LAMB4: variants seen among roughly 807,000 people sequenced by gnomAD.
LAMB4 encodes the protein laminin subunit beta-4.
LAMB4 carries 196 observed loss-of-function variants against 199.2 expected under a neutral mutation model. The observed-to-expected ratio is 0.98, with a 90% CI of 0.88 to 1.11. The LOEUF (loss-of-function observed/expected upper bound fraction) is 1.11, where lower values mean the gene tolerates loss of function less well. LAMB4 is among the 50% of genes least tolerant of loss of function. The pLI, the probability that LAMB4 is intolerant of heterozygous loss-of-function variation, is 0.00. For missense variants in LAMB4, 2,080 were observed against 2,171.2 expected, an observed-to-expected ratio of 0.96 and a Z score of 0.83; for synonymous variants, 744 against 770.6, an observed-to-expected ratio of 0.97 and a Z score of 0.57.
rs1371271599 is a variant in LAMB4 at position 108,027,010 on chromosome 7, G to T, written c.5146+2033C>A. 35 of 444,550 alleles carry T rather than the reference G, an allele frequency of 7.9e-5. No homozygotes were observed. In the Admixed American group the frequency reaches 9.5e-4, roughly 12 times the overall value. 27.5% of individuals were successfully genotyped at this position (444,550 alleles called of 1,614,324 possible). A position where few individuals can be genotyped will look rare whatever the true frequency, so the allele number is the denominator to read the frequency against. On this transcript the variant is annotated intron_variant, in intron 33 of 33. Coordinates refer to ENST00000388781, the MANE Select transcript of LAMB4 (RefSeq NM_007356.3). ...AACTTCTCTTCCAATCTAATTTCAA[G>T]AACTATAAAAGCTGTGGTCAATGGG...
chr7:108,038,007 G>T (rs1375757403), intron 29 of LAMB4, among the ~76,000 whole-genome samples: 1 of 152,114 alleles, frequency 6.6e-6, no homozygotes, highest in African/African-American at 2.4e-5. Context: ...AACAAAACTG[G>T]ATTCTGGTCC....
intron 3 of LAMB4, among the ~76,000 whole-genome samples, chr7:108,115,130 C>G (rs2038362101): frequency 6.6e-6 from 1 of 152,136 alleles, no homozygotes. Context: ...ATGGGAGTGG[C>G]AAAGGTAGCC....
chr7:108,126,690 G>A (rs1168022298), intron 1 of LAMB4, among the ~76,000 whole-genome samples: 3 of 146,204 alleles, frequency 2.1e-5, no homozygotes, highest in Non-Finnish European at 3.0e-5. Context: ...TCAGCCTCCC[G>A]AGTAGCTGGG....
intron 33 of LAMB4, among the ~76,000 whole-genome samples, chr7:108,026,050 C>T (rs1457355993): frequency 1.3e-5 from 2 of 152,168 alleles, no homozygotes; most frequent in Non-Finnish European, 2.9e-5. Flanking sequence ...ATCCCTCAGG[C>T]TCCTGTGGGG....
intron 14 of LAMB4, among the ~76,000 whole-genome samples, chr7:108,088,552 G>A (rs2037277014): frequency 1.3e-5 from 2 of 152,186 alleles, no homozygotes; most frequent in African/African-American, 2.4e-5. Flanking sequence ...TTCCACCAAT[G>A]AGCCATGGAG....
At chr7:108,119,347 T>C (rs943791500) in intron 2 of LAMB4, among the ~76,000 whole-genome samples, 16 of 152,180 alleles carry the variant, frequency 1.1e-4, no homozygotes, top group Admixed American at 2.6e-4. Flanking sequence ...CCACAGCATC[T>C]TTATCTGTAA....
rs573028653 is a variant in LAMB4, at chr7:108,064,180, A to C, written c.2837-195T>G. Among the ~76,000 whole-genome samples the C allele has an allele frequency of 1.6e-3, 251 of 152,352 alleles. 1 individual carries two copies. The highest frequency in any genetic ancestry group is 3.2e-3 in the Non-Finnish European group (220 of 68,028). ...CATTATTATTCATTTAAAGAATAAA[A>C]TGATTATTCGGCTCTCTAAAGTGTT... On this transcript the variant is annotated intron_variant, in intron 21 of 33. Coordinates refer to ENST00000388781, the MANE Select transcript of LAMB4 (RefSeq NM_007356.3).
At chr7:108,124,296 C>T (rs926885307) in intron 1 of LAMB4, among the ~76,000 whole-genome samples, 2 of 152,104 alleles carry the variant, frequency 1.3e-5, no homozygotes, top group African/African-American at 4.8e-5. Flanking sequence ...TTAATGAATT[C>T]TCTATTGGTT....
At chr7:108,099,206 G>A (rs1417515403) in intron 10 of LAMB4, among the ~76,000 whole-genome samples, 1 of 152,136 alleles carries the variant, frequency 6.6e-6, no homozygotes, top group Non-Finnish European at 1.5e-5. Flanking sequence ...TGGTTTTGTT[G>A]GGGGGAAATC....
rs141613694 is a variant in LAMB4, at chr7:108,042,138, C to A, written c.4471+1614G>T. ...ATTTTATTGGGGCTTTATAGCCAGG[C>A]AAAGAGAAGCAAGAGGTCGGTGGAG... On this transcript the variant is annotated intron_variant, in intron 29 of 33. Coordinates refer to ENST00000388781, the MANE Select transcript of LAMB4 (RefSeq NM_007356.3). Among the ~76,000 whole-genome samples the A allele has an allele frequency of 1.8e-3, 281 of 151,994 alleles. 2 individuals carry two copies. Among genetic ancestry groups the A allele is most frequent in the Admixed American group, 6.9e-3 (105 of 15,256 alleles).
At chr7:108,094,990 G>A (rs374636120) in intron 12 of LAMB4, among the ~76,000 whole-genome samples, 3 of 151,998 alleles carry the variant, frequency 2.0e-5, no homozygotes, top group African/African-American at 7.3e-5. Context: ...TCTGTGCCTG[G>A]GTCGGTTTAG....
chr7:108,126,640 C>T (rs1214933600), intron 1 of LAMB4, among the ~76,000 whole-genome samples: 1 of 141,032 alleles, frequency 7.1e-6, no homozygotes, highest in Admixed American at 7.4e-5. Context: ...TCTCGGCTCA[C>T]TGCAAGCTCC....
intron 29 of LAMB4, 149 bp downstream of exon 29, chr7:108,043,603 G>A (rs1046672699): frequency 2.0e-5 from 1 of 50,972 alleles, no homozygotes; most frequent in Admixed American, 2.7e-4. Flanking sequence ...TTTTTGAGAC[G>A]GAGTCTCGCT....
intron 14 of LAMB4, among the ~76,000 whole-genome samples, chr7:108,083,529 C>A (rs571518176): frequency 6.6e-6 from 1 of 152,216 alleles, no homozygotes; most frequent in South Asian, 2.1e-4. Flanking sequence ...CATGGTCATG[C>A]GATTTTGGGA....
chr7:108,028,935 G>T, intron 33 of LAMB4, 108 bp downstream of exon 33: 1 of 1,049,984 alleles, frequency 9.5e-7, no homozygotes, highest in Non-Finnish European at 1.4e-6. Context: ...TCTCCTCAGT[G>T]GACCCAAGTG....
In LAMB4 at chr7:108,090,562, G is replaced by A. The variant is rs139405170; in HGVS notation, c.1701+1064C>T. On this transcript the variant is annotated intron_variant, in intron 14 of 33. Coordinates refer to ENST00000388781, the MANE Select transcript of LAMB4 (RefSeq NM_007356.3). ...TACTTACAACCCCTGGCTCAGAGCC[G>A]TATTGGCATACTTGATATTATTCTA... Among the ~76,000 whole-genome samples the A allele has an allele frequency of 1.4e-3, 220 of 152,064 alleles. 1 individual carries two copies. The highest frequency in any genetic ancestry group is 2.3e-3 in the African/African-American group (94 of 41,470).
At chr7:108,126,710 G>A (rs1238467280) in intron 1 of LAMB4, among the ~76,000 whole-genome samples, 9 of 149,326 alleles carry the variant, frequency 6.0e-5, no homozygotes, top group Admixed American at 1.3e-4. Flanking sequence ...GACTACAGGC[G>A]CCCGCCACCG....
chr7:108,107,671 T>A lies in LAMB4; in HGVS notation c.551A>T (p.Asp184Val). Residue 184 changes from aspartate (D) to valine (V), a missense_variant, in exon 6 of 34, where the codon GAC becomes GTC. Physicochemically the swap from Asp to Val is radical, Grantham distance 152. Transcript: ENST00000388781. ...QAQGVGDIVCDSKYSDIEPST... is the reference protein window; with the variant it reads ...QAQGVGDIVCVSKYSDIEPST... Reference sequence around the variant, plus strand: ...GGGTTCAATATCCGAGTATTTGGAGTCACAAACAATGTCTCCCACTCCCTG... The same window carrying A: ...GGGTTCAATATCCGAGTATTTGGAGACACAAACAATGTCTCCCACTCCCTG... The A allele has an allele frequency of 6.2e-7, 1 of 1,611,660 alleles. No homozygotes were observed. Among genetic ancestry groups the A allele is most frequent in the South Asian group, 1.1e-5 (1 of 90,258 alleles).
chr7:108,016,469 A>C, the LAMB4 span, among the ~76,000 whole-genome samples: 1 of 152,094 alleles, frequency 6.6e-6, no homozygotes, highest in East Asian at 1.9e-4. Flanking sequence ...TTTTTAGTAG[A>C]GATGGCGTTT....
Sources: allele counts gnomAD v4.1 joint callset (sites outside exome capture counted in the v4.1 genomes callset), GRCh38; gene constraint gnomAD v4.1.1; transcripts MANE v1.5; gene names NCBI Gene and HGNC (gene_info 2026-07-23, HGNC 2026-07-21).